The following PTPRT variants were observed in gnomAD, a reference collection of about 807,000 sequenced individuals.
The protein encoded by PTPRT is protein tyrosine phosphatase receptor type T.
In PTPRT, 56 loss-of-function variants were observed where a neutral mutation model predicts 176.8. The observed-to-expected ratio is 0.32, with a 90% CI of 0.26 to 0.40. The LOEUF is 0.40. Ranked by LOEUF, PTPRT falls within the 10% of genes least tolerant of loss-of-function variation. The pLI, the probability that PTPRT is intolerant of heterozygous loss-of-function variation, is 1.00. For missense variants in PTPRT, 1,540 were observed against 1,908.2 expected, an observed-to-expected ratio of 0.81 and a Z score of 3.60; for synonymous variants, 783 against 739.0, an observed-to-expected ratio of 1.06 and a Z score of -0.96.
At chr20:42,851,943 C>T (rs1038284366) in intron 2 of PTPRT, among the ~76,000 whole-genome samples, 4 of 152,150 alleles carry the variant, frequency 2.6e-5, no homozygotes, top group African/African-American at 7.2e-5. Context: ...TTTCCCAAAA[C>T]GATTTAAGTC....
chr20:42,570,195 C>T (rs62203786), intron 7 of PTPRT, among the ~76,000 whole-genome samples: 16,763 of 152,182 alleles, frequency 0.11, 1,086 homozygotes, highest in African/African-American at 0.18. Context: ...ACCTCCTTGA[C>T]AGTAGCACAA....
chr20:42,946,808 C>T (rs73273618), intron 1 of PTPRT, among the ~76,000 whole-genome samples: 7,628 of 152,166 alleles, frequency 0.05, 547 homozygotes, highest in African/African-American at 0.15. Context: ...CTTCAATCAC[C>T]GCACTGTTGA....
In PTPRT at chr20:42,771,113, G is replaced by A. The variant is rs117777416; in HGVS notation, c.684+322C>T. Among the ~76,000 whole-genome samples, 846 of 152,282 alleles carry A rather than the reference G, an allele frequency of 5.6e-3. 49 individuals carry two copies. The East Asian group carries it at 0.14, about 25-fold the overall frequency. ...CACACCATTTTGCAAATGCTGGTTA[G>A]AGCAGAAAATTCCGCAGGGGTTTGG... On this transcript the variant is annotated intron_variant, in intron 5 of 30. Transcript: ENST00000373187.
At chr20:42,328,585 C>T (rs1019663051) in intron 11 of PTPRT, among the ~76,000 whole-genome samples, 24 of 152,054 alleles carry the variant, frequency 1.6e-4, no homozygotes, top group African/African-American at 5.3e-4. Flanking sequence ...ACCAAAAAGG[C>T]ACTTGATAAA....
chr20:42,370,470 C>T (rs754003646), intron 9 of PTPRT, among the ~76,000 whole-genome samples: 7 of 152,144 alleles, frequency 4.6e-5, no homozygotes, highest in East Asian at 3.9e-4. Context: ...CACTCAAGAA[C>T]GGTAGGAGCC....
chr20:42,519,683 C>A (rs951672463), intron 7 of PTPRT, among the ~76,000 whole-genome samples: 8 of 151,862 alleles, frequency 5.3e-5, no homozygotes, highest in African/African-American at 1.9e-4. Context: ...TTAATTGAGT[C>A]CTTATTTGAT....
At chr20:43,152,862 C>G (rs571875393) in intron 1 of PTPRT, among the ~76,000 whole-genome samples, 1 of 152,316 alleles carries the variant, frequency 6.6e-6, no homozygotes, top group Admixed American at 6.5e-5. Flanking sequence ...TCCCATTTAA[C>G]ATTCTACACT....
intron 1 of PTPRT, among the ~76,000 whole-genome samples, chr20:42,933,318 A>C (rs1259711485): frequency 6.6e-6 from 1 of 152,152 alleles, no homozygotes; most frequent in Non-Finnish European, 1.5e-5. Context: ...TATCCTCCCT[A>C]GTTCCCTGCA....
chr20:42,746,854 G>C (rs1318028918), intron 6 of PTPRT, among the ~76,000 whole-genome samples: 1 of 152,154 alleles, frequency 6.6e-6, no homozygotes, highest in Non-Finnish European at 1.5e-5. Context: ...CCAGACCTAA[G>C]TTGGAGCATA....
rs141572071 is a variant in PTPRT at position 43,060,157 on chromosome 20, C to T, written c.88+129489G>A. 9.9e-5 allele frequency among the ~76,000 whole-genome samples: 15 copies of T among 152,218 alleles called. No homozygotes were observed. The South Asian group carries it at 1.0e-3, about 11-fold the overall frequency. On this transcript the variant is annotated intron_variant, in intron 1 of 30. Transcript: ENST00000373187. ...TTGGCACAGGAGCACCCCCATTTCT[C>T]GGTACCAATTTTTATCTTAGTCCAT... is the stretch of plus-strand genomic sequence containing the variant.
the PTPRT span, among the ~76,000 whole-genome samples, chr20:42,040,866 C>T: frequency 6.6e-6 from 1 of 152,162 alleles, no homozygotes; most frequent in African/African-American, 2.4e-5. Flanking sequence ...GGCTGTGGTG[C>T]AGGCAAAGCC....
intron 17 of PTPRT, 31 bp downstream of exon 17, chr20:42,161,321 C>G (rs982168897): frequency 2.2e-5 from 35 of 1,612,646 alleles, no homozygotes; most frequent in African/African-American, 5.3e-5. Context: ...CTGAAACTAT[C>G]AGGAAGTTTC....
intron 8 of PTPRT, among the ~76,000 whole-genome samples, chr20:42,459,005 G>A (rs1203474998): frequency 6.6e-6 from 1 of 152,134 alleles, no homozygotes; most frequent in Non-Finnish European, 1.5e-5. Context: ...TTGCTAAGGA[G>A]ACACCCAAAG....
intron 7 of PTPRT, among the ~76,000 whole-genome samples, chr20:42,575,015 A>G (rs1239835810): frequency 1.3e-5 from 2 of 151,840 alleles, no homozygotes. Flanking sequence ...AGTCAATTAA[A>G]CCTCTTTTCT....
intron 1 of PTPRT, among the ~76,000 whole-genome samples, chr20:43,177,163 G>C (rs1392183169): frequency 6.6e-6 from 1 of 152,180 alleles, no homozygotes; most frequent in East Asian, 1.9e-4. Context: ...TTTTGGATAG[G>C]GATCAGAATA....
intron 1 of PTPRT, among the ~76,000 whole-genome samples, chr20:42,896,240 CAGA>C (rs2079294658): frequency 6.6e-6 from 1 of 152,038 alleles, no homozygotes; most frequent in Admixed American, 6.6e-5. Flanking sequence ...GTTTCTTGGC[CAGA>C]AGGTCTGACA....
At chr20:42,373,545 C>T (rs2145607451) in intron 9 of PTPRT, among the ~76,000 whole-genome samples, 1 of 152,312 alleles carries the variant, frequency 6.6e-6, no homozygotes, top group Admixed American at 6.5e-5. Context: ...GCCTTTGATG[C>T]TAGCAGTGGC....
chr20:42,724,328 C>T (rs553736079), intron 6 of PTPRT, among the ~76,000 whole-genome samples: 2 of 152,206 alleles, frequency 1.3e-5, no homozygotes, highest in Non-Finnish European at 2.9e-5. Flanking sequence ...CCCTCATGCA[C>T]CTGGAGGCCC....
At chr20:42,651,186 G>A (rs557009126) in intron 7 of PTPRT, among the ~76,000 whole-genome samples, 17 of 152,216 alleles carry the variant, frequency 1.1e-4, no homozygotes, top group African/African-American at 3.9e-4. Context: ...AAAGATAAAT[G>A]CCTTTACAGA....
Sources: allele counts gnomAD v4.1 joint callset (sites outside exome capture counted in the v4.1 genomes callset), GRCh38; gene constraint gnomAD v4.1.1; transcripts MANE v1.5; gene names NCBI Gene and HGNC (gene_info 2026-07-23, HGNC 2026-07-21).